The following SLC9A1 variants were observed in gnomAD, a reference collection of about 807,000 sequenced individuals.
The protein encoded by SLC9A1 is solute carrier family 9 member A1.
In SLC9A1, 22 loss-of-function variants were observed where a neutral mutation model predicts 67.9. The observed-to-expected ratio is 0.32, with a 90% CI of 0.23 to 0.46. The LOEUF (loss-of-function observed/expected upper bound fraction) is 0.46, where lower values mean the gene tolerates loss of function less well. Among genes scored for constraint, SLC9A1 ranks in the 20% least tolerant of loss-of-function variants. The pLI is 1.00. For missense variants in SLC9A1, 686 were observed against 1,094.8 expected, an observed-to-expected ratio of 0.63 and a Z score of 5.27; for synonymous variants, 421 against 471.8, an observed-to-expected ratio of 0.89 and a Z score of 1.40.
At chr1:27,128,254 A>C (rs2083358992) in intron 1 of SLC9A1, among the ~76,000 whole-genome samples, 2 of 136,712 alleles carry the variant, frequency 1.5e-5, no homozygotes, top group Non-Finnish European at 3.4e-5. Flanking sequence ...TACTGCCCTG[A>C]ACCTCAGTTT....
At chr1:27,102,220 G>T in intron 8 of SLC9A1, 90 bp from the exon 9 acceptor site, 1 of 1,350,222 alleles carries the variant, frequency 7.4e-7, no homozygotes. Context: ...CCCTAGGGAT[G>T]ACCCAGGTGG....
chr1:27,131,947 A>AAAAAT lies in SLC9A1; in HGVS notation c.353-17662_353-17661insATTTT. On this transcript the variant is annotated intron_variant, in intron 1 of 11. Transcript: ENST00000263980. ...AAAAGAAGAAGAAGAAGAAAAAAAA[A>AAAAAT]ATATATATATATATATATATATATA... Among the ~76,000 whole-genome samples the AAAAAT allele has an allele frequency of 8.1e-3, 421 of 52,052 alleles. 4 individuals carry two copies. The highest frequency in any genetic ancestry group is 0.013 in the Non-Finnish European group (331 of 26,024). The allele number at this position is 52,052 out of a possible 152,430, so 34.1% of individuals were successfully genotyped here. A position where few individuals can be genotyped will look rare whatever the true frequency, so the allele number is the denominator to read the frequency against.
intron 1 of SLC9A1, among the ~76,000 whole-genome samples, chr1:27,125,245 T>TC (rs2083334687): frequency 1.5e-5 from 2 of 133,474 alleles, no homozygotes. Context: ...TTCTTTTTTT[T>TC]TTTTTTTTTT....
rs192473666 is a variant in SLC9A1, at chr1:27,119,091, G to A, written c.353-4805C>T. ...CACACACACACACACACACACTCTT[G>A]CTGAGCAGACACCTCACCAAACTTC... On this transcript the variant is annotated intron_variant, in intron 1 of 11. Coordinates refer to ENST00000263980, the MANE Select transcript of SLC9A1 (RefSeq NM_003047.5). Among the ~76,000 whole-genome samples, 531 of 143,678 alleles carry A rather than the reference G, an allele frequency of 3.7e-3. 2 individuals carry two copies. The highest frequency in any genetic ancestry group is 0.013 in the African/African-American group (519 of 38,464). 94.3% of individuals were successfully genotyped at this position (143,678 alleles called of 152,430 possible).
At chr1:27,105,207 A>C (rs994273025) in intron 5 of SLC9A1, among the ~76,000 whole-genome samples, 5 of 152,200 alleles carry the variant, frequency 3.3e-5, no homozygotes, top group African/African-American at 1.2e-4. Flanking sequence ...GCAGAAACTG[A>C]GACCCTAAGA....
At chr1:27,148,989 A>G (rs2083508006) in intron 1 of SLC9A1, among the ~76,000 whole-genome samples, 1 of 152,250 alleles carries the variant, frequency 6.6e-6, no homozygotes, top group Non-Finnish European at 1.5e-5. Context: ...GAGAGATAGC[A>G]GGCAGGGTTG....
rs1439246779 is a variant in SLC9A1 at position 27,101,266 on chromosome 1, A to G, written c.2047T>C (p.Tyr683His). ...ARQLEQKINN[Y>H]LTVPAHKLDS... ...AGCTTGTGGGCTGGCACCGTCAGGT[A>G]GTTGTTGATCTGACAGAGAGGACAG... The change falls in exon 11 of 12, where the codon TAC becomes CAC. Residue 683 changes from tyrosine (Y) to histidine (H), a missense_variant. Transcript: ENST00000263980. This position sits in a 1 kb window ranked among gnomAD's most constrained non-coding sequence, Gnocchi z 4.9. 1.2e-6 allele frequency: 2 copies of G among 1,611,870 alleles called. No homozygotes were observed. The highest frequency in any genetic ancestry group is 2.2e-5 in the East Asian group (1 of 44,872).
At chr1:27,119,445 G>A (rs1386360766) in intron 1 of SLC9A1, among the ~76,000 whole-genome samples, 1 of 152,176 alleles carries the variant, frequency 6.6e-6, no homozygotes, top group East Asian at 1.9e-4. Context: ...ACTCGGCCAG[G>A]TCCCAAGGGA....
chr1:27,124,336 T>C (rs572813518), intron 1 of SLC9A1, among the ~76,000 whole-genome samples: 4 of 152,308 alleles, frequency 2.6e-5, no homozygotes, highest in Non-Finnish European at 4.4e-5. Context: ...AAATTGAGTA[T>C]ACCAAATATC....
chr1:27,101,215 G>A lies in SLC9A1; in HGVS notation c.2098C>T (p.Arg700Cys), dbSNP rs760070811. The A allele has an allele frequency of 1.9e-5, 30 of 1,610,962 alleles. No homozygotes were observed. The highest frequency in any genetic ancestry group is 6.7e-5 in the African/African-American group (5 of 74,916). ...GCCAGGCCCTTACCTGAGCCGATGC[G>A]GGCCCGAGACATGGTGGGTGAGTCC... Reference protein sequence around the residue: ...KLDSPTMSRARIGSDPLAYEP... With the variant: ...KLDSPTMSRACIGSDPLAYEP... The change falls in exon 11 of 12, where the codon CGC (arginine) becomes TGC (cysteine). Residue 700 changes from arginine (R) to cysteine (C), a missense_variant. Arg to Cys is a radical substitution (Grantham distance 180). Transcript: ENST00000263980. The surrounding 1 kb of genome is among the most constrained non-coding windows in gnomAD (Gnocchi z 4.9).
At chr1:27,103,639 A>G in intron 5 of SLC9A1, 1 of 359,098 alleles carries the variant, frequency 2.8e-6, no homozygotes, top group Non-Finnish European at 5.3e-6. Context: ...CATGGAAGTC[A>G]GGCCCCACAC....
Position 27,106,123 on chromosome 1 carries a change from C to G in SLC9A1, c.1283-36G>C. On this transcript the variant is annotated intron_variant, in intron 4 of 11. Coordinates refer to ENST00000263980, the MANE Select transcript of SLC9A1 (RefSeq NM_003047.5). This position sits in a 1 kb window ranked among gnomAD's most constrained non-coding sequence, Gnocchi z 4.3. ...AGGCAGGGGGTGATGAGGGTCAGGT[C>G]GGGCTGTCCCCAGTCCCTCCTGGAT... 3 of 1,423,882 alleles carry G rather than the reference C, an allele frequency of 2.1e-6. No individual in the cohort carries two copies. Among genetic ancestry groups the G allele is most frequent in the East Asian group, 2.3e-5 (1 of 43,798 alleles). The allele number at this position is 1,423,882 out of a possible 1,614,324, so 88.2% of individuals were successfully genotyped here. A position where few individuals can be genotyped will look rare whatever the true frequency, so the allele number is the denominator to read the frequency against.
chr1:27,129,199 G>A (rs2083368507), intron 1 of SLC9A1, among the ~76,000 whole-genome samples: 1 of 152,184 alleles, frequency 6.6e-6, no homozygotes, highest in African/African-American at 2.4e-5. Flanking sequence ...AGATGGGTGA[G>A]CTTTCCTGAT....
intron 1 of SLC9A1, among the ~76,000 whole-genome samples, chr1:27,127,644 C>T (rs1207086105): frequency 6.6e-6 from 1 of 152,190 alleles, no homozygotes; most frequent in Non-Finnish European, 1.5e-5. Context: ...TGAAATTCTG[C>T]CACTTCAGGG....
chr1:27,126,419 G>A (rs186110583), intron 1 of SLC9A1, among the ~76,000 whole-genome samples: 318 of 152,288 alleles, frequency 2.1e-3, no homozygotes, highest in Middle Eastern at 6.8e-3. Flanking sequence ...AGCACTGGGC[G>A]AACCACAAGA....
chr1:27,107,736 G>A lies in SLC9A1; in HGVS notation c.1194C>T (p.Leu398=), dbSNP rs547467847. The A allele has an allele frequency of 7.6e-6, 12 of 1,587,852 alleles. No homozygotes were observed. The Admixed American group carries it at 1.3e-4, about 17-fold the overall frequency. ...SVSETLIFIF[L]GVSTVAGSHH... is the part of the protein sequence containing the mutation. ...GGGAGCCGGCCACCGTGGAGACGCCGAGGAAGATGAAGATGAGGGTCTCGC... is the reference window on the plus strand; with the variant it reads ...GGGAGCCGGCCACCGTGGAGACGCCAAGGAAGATGAAGATGAGGGTCTCGC... The change falls in exon 4 of 12, where the codon CTC becomes CTT. Residue 398 remains leucine (L), a synonymous_variant. Coordinates refer to ENST00000263980, the MANE Select transcript of SLC9A1 (RefSeq NM_003047.5).
chr1:27,109,223 C>T lies in SLC9A1; in HGVS notation c.1064+304G>A, dbSNP rs1257836458. On this transcript the variant is annotated intron_variant, in intron 3 of 11. Transcript: ENST00000263980. This position sits in a 1 kb window ranked among gnomAD's most constrained non-coding sequence, Gnocchi z 5.5. ...TTAGTGGCTTCCAAGGCTCTGCTCT[C>T]CTATACCCTGGGCTTGCCTTCATGC... 6.6e-6 allele frequency among the ~76,000 whole-genome samples: 1 copy of T among 152,260 alleles called. No homozygotes were observed. The highest frequency in any genetic ancestry group is 2.4e-5 in the African/African-American group (1 of 41,558).
chr1:27,139,002 C>G (rs549617938), intron 1 of SLC9A1, among the ~76,000 whole-genome samples: 5 of 152,172 alleles, frequency 3.3e-5, no homozygotes, highest in East Asian at 1.9e-4. Flanking sequence ...AAGAGGCAAG[C>G]CTTTGACAGG....
At chr1:27,125,739 C>T (rs566237965) in intron 1 of SLC9A1, among the ~76,000 whole-genome samples, 3 of 152,222 alleles carry the variant, frequency 2.0e-5, no homozygotes, top group South Asian at 2.1e-4. Flanking sequence ...GGACTATAGG[C>T]GTATGCCACC....
Sources: allele counts gnomAD v4.1 joint callset (sites outside exome capture counted in the v4.1 genomes callset), GRCh38; gene constraint gnomAD v4.1.1; non-coding constraint Gnocchi (gnomAD v3.1); transcripts MANE v1.5; gene names NCBI Gene and HGNC (gene_info 2026-07-23, HGNC 2026-07-21).